Variants in LAMB4 observed in about 807,000 individuals in gnomAD.
LAMB4 encodes laminin subunit beta 4.
In LAMB4, 196 loss-of-function variants were observed where a neutral mutation model predicts 199.2. That is an observed-to-expected ratio of 0.98 (90% CI 0.88 to 1.11). The LOEUF is 1.11. LAMB4 is among the 50% of genes least tolerant of loss of function. The pLI is 0.00. For synonymous variants in LAMB4, 744 were observed against 770.6 expected (o/e 0.97, Z 0.57); for missense variants, 2,080 against 2,171.2 (o/e 0.96, Z 0.83).
intron 12 of LAMB4, 152 bp from the exon 13 acceptor site, chr7:108,092,568 C>T (rs1031722914): frequency 9.1e-6 from 6 of 658,990 alleles, no homozygotes; most frequent in Non-Finnish European, 1.6e-5. Context: ...ATGCGCTTGG[C>T]TAATGATCTT....
In LAMB4 at chr7:108,078,280, G is replaced by T; in HGVS notation, c.1924C>A (p.Pro642Thr). ...ADWTVQIVVN[P>T]PGGSEHCIPK... is the part of the protein sequence containing the mutation. Reference sequence around the variant, plus strand: ...ATGCAGTGCTCACTCCCTCCAGGGGGGTTCACCACAATCTGGACAGTCCAG... The same window carrying T: ...ATGCAGTGCTCACTCCCTCCAGGGGTGTTCACCACAATCTGGACAGTCCAG... The change falls in exon 16 of 34, where the codon CCC (proline) becomes ACC (threonine). Residue 642 changes from proline (P) to threonine (T), a missense_variant. Pro to Thr is a conservative substitution (Grantham distance 38). Transcript: ENST00000388781. 6.2e-7 allele frequency: 1 copy of T among 1,610,130 alleles called. No homozygotes were observed. The highest frequency in any genetic ancestry group is 8.5e-7 in the Non-Finnish European group (1 of 1,178,360).
chr7:108,045,161 C>T (rs1198665811), intron 28 of LAMB4, among the ~76,000 whole-genome samples: 1 of 151,660 alleles, frequency 6.6e-6, no homozygotes, highest in Non-Finnish European at 1.5e-5. Flanking sequence ...ACTTAATTCT[C>T]TAGAACTTTC....
chr7:108,068,763 G>A (rs1447580415), intron 18 of LAMB4, among the ~76,000 whole-genome samples: 1 of 152,162 alleles, frequency 6.6e-6, no homozygotes, highest in Middle Eastern at 3.4e-3. Context: ...GTGTGATCTT[G>A]GCTCACTGCA....
At chr7:108,084,671 T>C (rs1368747420) in intron 14 of LAMB4, among the ~76,000 whole-genome samples, 1 of 152,016 alleles carries the variant, frequency 6.6e-6, no homozygotes, top group Non-Finnish European at 1.5e-5. Context: ...ACTAACGTGA[T>C]CGAGTTAGCA....
intron 29 of LAMB4, among the ~76,000 whole-genome samples, chr7:108,038,595 C>T (rs542404179): frequency 2.6e-5 from 4 of 152,336 alleles, no homozygotes; most frequent in East Asian, 1.9e-4. Context: ...TGGCCCAGGA[C>T]GGCTTTGAAT....
intron 25 of LAMB4, among the ~76,000 whole-genome samples, chr7:108,053,352 TC>T (rs1418686335): frequency 6.6e-6 from 1 of 152,206 alleles, no homozygotes; most frequent in Non-Finnish European, 1.5e-5. Flanking sequence ...GTCCTCCTGT[TC>T]CCCTTCCACC....
chr7:108,092,118 C>T (rs932020257), intron 13 of LAMB4, among the ~76,000 whole-genome samples: 3 of 152,066 alleles, frequency 2.0e-5, no homozygotes, highest in Admixed American at 6.6e-5. Flanking sequence ...TATTCAAGCA[C>T]CCATGCCACC....
chr7:108,102,494 G>A (rs2037848756), intron 10 of LAMB4, among the ~76,000 whole-genome samples: 2 of 152,170 alleles, frequency 1.3e-5, no homozygotes, highest in African/African-American at 4.8e-5. Flanking sequence ...TATAGTGCCT[G>A]TCATGTTTTA....
intron 8 of LAMB4, 49 bp downstream of exon 8, chr7:108,105,768 G>A (rs1457227842): frequency 6.6e-7 from 1 of 1,511,430 alleles, no homozygotes; most frequent in Non-Finnish European, 9.2e-7. Flanking sequence ...CACCAGGACA[G>A]TGAAAGGCAG....
At chr7:108,103,433 C>T (rs1367286991) in intron 9 of LAMB4, among the ~76,000 whole-genome samples, 1 of 152,194 alleles carries the variant, frequency 6.6e-6, no homozygotes, top group African/African-American at 2.4e-5. Flanking sequence ...TGCTCCTACG[C>T]TTTCTATAAA....
At chr7:108,065,025 C>T (rs1161013735) in intron 21 of LAMB4, among the ~76,000 whole-genome samples, 1 of 151,836 alleles carries the variant, frequency 6.6e-6, no homozygotes, top group Non-Finnish European at 1.5e-5. Flanking sequence ...CTTGCCTCAG[C>T]CTCCCCAGTA....
chr7:108,018,958 T>C (rs578088172), downstream of LAMB4, among the ~76,000 whole-genome samples: 1 of 152,276 alleles, frequency 6.6e-6, no homozygotes, highest in South Asian at 2.1e-4. Context: ...CAGGGACCTG[T>C]TTCTTCCACC....
At chr7:108,113,038 C>A (rs1286793318) in intron 3 of LAMB4, among the ~76,000 whole-genome samples, 1 of 152,186 alleles carries the variant, frequency 6.6e-6, no homozygotes, top group Admixed American at 6.5e-5. Flanking sequence ...AGTTGTTCTT[C>A]CTCCCAGCTA....
intron 17 of LAMB4, among the ~76,000 whole-genome samples, chr7:108,070,727 G>A (rs1332234859): frequency 6.6e-6 from 1 of 152,150 alleles, no homozygotes; most frequent in Non-Finnish European, 1.5e-5. Flanking sequence ...TCAGTCAACA[G>A]TGGGTGATTA....
intron 6 of LAMB4, 96 bp from the exon 7 acceptor site, chr7:108,106,668 A>T: frequency 1.4e-6 from 1 of 691,538 alleles, no homozygotes; most frequent in Non-Finnish European, 2.4e-6. Flanking sequence ...AGGCCCAAGA[A>T]ATCTTACCAC....
chr7:108,088,467 C>T (rs902272269), intron 14 of LAMB4, among the ~76,000 whole-genome samples: 4 of 152,110 alleles, frequency 2.6e-5, no homozygotes, highest in African/African-American at 9.7e-5. Context: ...CCTGGCCTAA[C>T]ATCTTAAAAA....
rs560003457 is a variant in LAMB4 at position 108,036,489 on chromosome 7, A to G, written c.4679+899T>C. On this transcript the variant is annotated intron_variant, in intron 30 of 33. Coordinates refer to ENST00000388781, the MANE Select transcript of LAMB4 (RefSeq NM_007356.3). ...AGGCGTGAGCCACCGTGCCCGGCCT[A>G]CTTAATCTTTTAAGTAATTGCTGTG... is the stretch of plus-strand genomic sequence containing the variant. Among the ~76,000 whole-genome samples, 5 of 152,200 alleles carry G rather than the reference A, an allele frequency of 3.3e-5. No homozygotes were observed. In the South Asian group the frequency reaches 1.0e-3, roughly 32 times the overall value.
intron 17 of LAMB4, 39 bp from the exon 18 acceptor site, chr7:108,069,924 T>C (rs377490647): frequency 2.6e-6 from 4 of 1,552,332 alleles, no homozygotes; most frequent in Non-Finnish European, 1.8e-6. Flanking sequence ...ATTCAAACTA[T>C]CTGCTGTGTA....
At chr7:108,043,318 TA>T (rs938787892) in intron 29 of LAMB4, among the ~76,000 whole-genome samples, 24 of 151,776 alleles carry the variant, frequency 1.6e-4, no homozygotes, top group East Asian at 5.8e-4. Flanking sequence ...GAACTTTCCT[TA>T]AAAAAAACAT....
Sources: gnomAD v4.1 joint callset for allele counts (sites outside exome capture counted in the v4.1 genomes callset) on GRCh38, gnomAD v4.1.1 for gene constraint, MANE v1.5 for transcripts, NCBI Gene and HGNC (gene_info 2026-07-23, HGNC 2026-07-21) for gene names.